The following GRIK2 variants were observed in gnomAD, a reference collection of about 807,000 sequenced individuals.
GRIK2 encodes the protein glutamate ionotropic receptor kainate type subunit 2.
Under a neutral mutation model 100.3 loss-of-function variants are expected in GRIK2, and 32 were observed. The observed-to-expected ratio is 0.32, with a 90% CI of 0.24 to 0.43. GRIK2 has a LOEUF of 0.43. Among genes scored for constraint, GRIK2 ranks in the 20% least tolerant of loss-of-function variants. The pLI is 1.00. For synonymous variants in GRIK2, 417 were observed against 389.4 expected, an observed-to-expected ratio of 1.07 and a Z score of -0.83; for missense variants, 843 against 1,114.9, an observed-to-expected ratio of 0.76 and a Z score of 3.47.
chr6:101,672,656 T>C (rs933150802), intron 4 of GRIK2, among the ~76,000 whole-genome samples: 1 of 152,158 alleles, frequency 6.6e-6, no homozygotes, highest in Admixed American at 6.6e-5. Context: ...TGTGGGGGTT[T>C]GGTGTACACA....
intron 10 of GRIK2, among the ~76,000 whole-genome samples, chr6:101,834,581 C>T (rs1415646115): frequency 3.9e-5 from 6 of 152,066 alleles, no homozygotes; most frequent in Non-Finnish European, 7.4e-5. Flanking sequence ...GAACACTCAT[C>T]GCTTAAATCA....
chr6:101,549,371 G>C (rs1776402025), intron 2 of GRIK2, among the ~76,000 whole-genome samples: 1 of 151,810 alleles, frequency 6.6e-6, no homozygotes, highest in Non-Finnish European at 1.5e-5. Context: ...CACGGAGACA[G>C]ATGCTTGAAT....
chr6:102,046,432 CT>C (rs1254221608), intron 15 of GRIK2, among the ~76,000 whole-genome samples: 3 of 151,982 alleles, frequency 2.0e-5, no homozygotes, highest in African/African-American at 7.2e-5. Flanking sequence ...CCCCCATGCT[CT>C]TCTTGTGATA....
intron 7 of GRIK2, among the ~76,000 whole-genome samples, chr6:101,754,158 ATTGAT>A (rs1428138895): frequency 6.6e-6 from 1 of 152,002 alleles, no homozygotes; most frequent in Admixed American, 6.6e-5. Context: ...TGGTAAAGTG[ATTGAT>A]TTATCTTCTT....
intron 10 of GRIK2, among the ~76,000 whole-genome samples, chr6:101,838,493 T>C (rs901005501): frequency 2.6e-5 from 4 of 152,138 alleles, no homozygotes; most frequent in Non-Finnish European, 5.9e-5. Flanking sequence ...GCTGTGCCAG[T>C]GGAAACACAC....
intron 4 of GRIK2, among the ~76,000 whole-genome samples, chr6:101,633,386 G>T (rs1256768892): frequency 6.6e-6 from 1 of 152,126 alleles, no homozygotes; most frequent in Non-Finnish European, 1.5e-5. Flanking sequence ...CTGTCGTGTA[G>T]TTTTTAGCAA....
At chr6:101,927,724 A>C (rs775546095) in intron 13 of GRIK2, 1 of 152,098 alleles carries the variant, frequency 6.6e-6, no homozygotes. Context: ...TAAAAGATTT[A>C]TATATGTATA....
At chr6:101,994,229 G>C (rs1458352645) in intron 14 of GRIK2, among the ~76,000 whole-genome samples, 1 of 150,452 alleles carries the variant, frequency 6.6e-6, no homozygotes, top group Non-Finnish European at 1.5e-5. Context: ...ATGATACGAA[G>C]TTCAACATCT....
At chr6:101,664,295 A>G (rs1231340418) in intron 4 of GRIK2, among the ~76,000 whole-genome samples, 1 of 152,326 alleles carries the variant, frequency 6.6e-6, no homozygotes, top group African/African-American at 2.4e-5. Flanking sequence ...GAAATAGATA[A>G]TAGGATGGGT....
intron 9 of GRIK2, among the ~76,000 whole-genome samples, chr6:101,817,115 G>A (rs2128421271): frequency 6.6e-6 from 1 of 152,268 alleles, no homozygotes; most frequent in Non-Finnish European, 1.5e-5. Flanking sequence ...ATAGTCTAAT[G>A]TAAAGAAATG....
chr6:101,783,815 C>T (rs1779255468), intron 7 of GRIK2, among the ~76,000 whole-genome samples: 1 of 152,144 alleles, frequency 6.6e-6, no homozygotes, highest in Admixed American at 6.6e-5. Context: ...CCCCTGCCCT[C>T]TGTGGAACTT....
chr6:101,440,890 G>A (rs7454378), intron 2 of GRIK2, among the ~76,000 whole-genome samples: 1 of 139,748 alleles, frequency 7.2e-6, no homozygotes, highest in Admixed American at 7.1e-5. Context: ...ATGCTTTTTT[G>A]TTTTTTTTTT....
At chr6:101,460,737 G>A (rs1771262614) in intron 2 of GRIK2, among the ~76,000 whole-genome samples, 1 of 152,144 alleles carries the variant, frequency 6.6e-6, no homozygotes, top group South Asian at 2.1e-4. Flanking sequence ...TTCTCTGGAA[G>A]GACACCTGCA....
intron 9 of GRIK2, among the ~76,000 whole-genome samples, chr6:101,817,470 T>C (rs1327919695): frequency 6.6e-6 from 1 of 152,226 alleles, no homozygotes; most frequent in Non-Finnish European, 1.5e-5. Context: ...TGATTACTCC[T>C]GGGTATGAGA....
chr6:101,460,334 A>G (rs1286776266), intron 2 of GRIK2, among the ~76,000 whole-genome samples: 1 of 152,228 alleles, frequency 6.6e-6, no homozygotes, highest in Non-Finnish European at 1.5e-5. Context: ...AGTAACTTTT[A>G]TAAATCTAAG....
At chr6:101,584,083 A>G (rs1326226691) in intron 2 of GRIK2, among the ~76,000 whole-genome samples, 2 of 152,098 alleles carry the variant, frequency 1.3e-5, no homozygotes, top group Non-Finnish European at 2.9e-5. Context: ...GTGTGTATGT[A>G]CTATTTTAAT....
chr6:101,864,904 A>G (rs1452640839), intron 11 of GRIK2, among the ~76,000 whole-genome samples: 1 of 152,206 alleles, frequency 6.6e-6, no homozygotes. Flanking sequence ...ATGAGAAGTT[A>G]TCTAAATAGT....
intron 7 of GRIK2, among the ~76,000 whole-genome samples, chr6:101,741,066 C>CA (rs1775995766): frequency 6.6e-6 from 1 of 152,158 alleles, no homozygotes; most frequent in Admixed American, 6.6e-5. Context: ...AAATAAAATA[C>CA]AACCACTACT....
At chr6:102,063,571 A>G (rs1771860263) in intron 16 of GRIK2, among the ~76,000 whole-genome samples, 1 of 150,846 alleles carries the variant, frequency 6.6e-6, no homozygotes, top group Non-Finnish European at 1.5e-5. Flanking sequence ...CTTCTAATAT[A>G]AAAAGAAATC....
Sources: allele counts gnomAD v4.1 joint callset (sites outside exome capture counted in the v4.1 genomes callset), GRCh38; gene constraint gnomAD v4.1.1; transcripts MANE v1.5; gene names NCBI Gene and HGNC (gene_info 2026-07-23, HGNC 2026-07-21).